Variants in TMC1 observed in about 807,000 individuals in gnomAD.
TMC1 encodes transmembrane channel-like protein 1.
TMC1 carries 84 observed loss-of-function variants against 105.8 expected under a neutral mutation model. That is an observed-to-expected ratio of 0.79 (90% CI 0.67 to 0.95). The LOEUF (loss-of-function observed/expected upper bound fraction) is 0.95. Among genes scored for constraint, TMC1 ranks in the 40% least tolerant of loss-of-function variants. TMC1 has a pLI of 0.00. For synonymous variants in TMC1, 315 were observed against 311.5 expected, an observed-to-expected ratio of 1.01 and a Z score of -0.12; for missense variants, 817 against 914.1, an observed-to-expected ratio of 0.89 and a Z score of 1.37.
chr9:72,682,871 A>T (rs950963938), intron 5 of TMC1, among the ~76,000 whole-genome samples: 1 of 152,040 alleles, frequency 6.6e-6, no homozygotes. Flanking sequence ...CAGCCTCCTC[A>T]TGGAGGCCTC....
chr9:72,831,287 T>G (rs890721983), intron 23 of TMC1, among the ~76,000 whole-genome samples: 1 of 152,188 alleles, frequency 6.6e-6, no homozygotes, highest in African/African-American at 2.4e-5. Flanking sequence ...ACTCCTAACT[T>G]TAAAACTCTT....
At chr9:72,599,822 GA>G (rs2132111468) in intron 2 of TMC1, among the ~76,000 whole-genome samples, 1 of 150,888 alleles carries the variant, frequency 6.6e-6, no homozygotes, top group East Asian at 1.9e-4. Context: ...AAAAAAAAAA[GA>G]AAGAAAAAGA....
chr9:72,590,533 A>G (rs529085527), intron 2 of TMC1, among the ~76,000 whole-genome samples: 1 of 152,170 alleles, frequency 6.6e-6, no homozygotes, highest in African/African-American at 2.4e-5. Context: ...AATACTTAAA[A>G]TTCTTTCGAC....
At chr9:72,754,088 C>T (rs1827631709) in intron 11 of TMC1, among the ~76,000 whole-genome samples, 1 of 152,148 alleles carries the variant, frequency 6.6e-6, no homozygotes, top group Admixed American at 6.5e-5. Context: ...ACAGAAGAAG[C>T]AACATCTGCT....
chr9:72,724,585 A>T (rs1827084644), intron 8 of TMC1, among the ~76,000 whole-genome samples: 1 of 151,826 alleles, frequency 6.6e-6, no homozygotes, highest in Non-Finnish European at 1.5e-5. Flanking sequence ...GTATAAAATG[A>T]TAATAATAAA....
chr9:72,539,399 C>T (rs752714998), intron 1 of TMC1, among the ~76,000 whole-genome samples: 1 of 152,024 alleles, frequency 6.6e-6, no homozygotes, highest in Non-Finnish European at 1.5e-5. Flanking sequence ...GAGCAAGATC[C>T]TGTCTCAAAA....
At chr9:72,693,119 C>CAA (rs5898267) in intron 6 of TMC1, among the ~76,000 whole-genome samples, 4,485 of 132,506 alleles carry the variant, frequency 0.034, 97 homozygotes, top group Non-Finnish European at 0.049. Context: ...AATTGTGTCT[C>CAA]AAAAAAAAAA....
At chr9:72,771,030 C>A (rs1398799260) in intron 12 of TMC1, among the ~76,000 whole-genome samples, 3 of 152,118 alleles carry the variant, frequency 2.0e-5, no homozygotes, top group African/African-American at 7.2e-5. Flanking sequence ...ATATGGACAC[C>A]CCATGGCCCA....
chr9:72,740,958 A>G (rs915516958), intron 9 of TMC1, among the ~76,000 whole-genome samples: 5 of 152,182 alleles, frequency 3.3e-5, no homozygotes, highest in Admixed American at 6.6e-5. Context: ...CTTTGATGCA[A>G]TGTTATGTTC....
chr9:72,704,804 A>G lies in TMC1; in HGVS notation c.362+4161A>G, dbSNP rs1311980139. Among the ~76,000 whole-genome samples, 81 of 152,186 alleles carry G rather than the reference A, an allele frequency of 5.3e-4. 1 individual carries two copies. Among genetic ancestry groups the G allele is most frequent in the African/African-American group, 2.4e-5 (1 of 41,460 alleles). ...TGTGTCTGGCCCAGACCAGAAATGT[A>G]TATTTTTATTTTTTGATCTAAAAAT... On this transcript the variant is annotated intron_variant, in intron 8 of 23. Coordinates refer to ENST00000297784, the MANE Select transcript of TMC1 (RefSeq NM_138691.3).
intron 1 of TMC1, among the ~76,000 whole-genome samples, chr9:72,531,578 T>C (rs975199117): frequency 6.6e-6 from 1 of 152,226 alleles, no homozygotes; most frequent in Non-Finnish European, 1.5e-5. Context: ...GCACCTCTCT[T>C]ATATACTATG....
intron 18 of TMC1, chr9:72,809,028 C>T (rs1423212190): frequency 6.6e-6 from 1 of 152,230 alleles, no homozygotes; most frequent in African/African-American, 2.4e-5. Flanking sequence ...ACAGGATGCT[C>T]TTGTGTTGCT....
chr9:72,699,317 G>T (rs1415076574), intron 7 of TMC1, among the ~76,000 whole-genome samples: 1 of 152,126 alleles, frequency 6.6e-6, no homozygotes, highest in Non-Finnish European at 1.5e-5. Flanking sequence ...CTCTTCAAAG[G>T]ATTCACTTCC....
At chr9:72,683,492 T>C (rs1165400912) in intron 5 of TMC1, among the ~76,000 whole-genome samples, 3 of 151,356 alleles carry the variant, frequency 2.0e-5, no homozygotes, top group African/African-American at 7.3e-5. Flanking sequence ...TGTGTATTCA[T>C]AAGAATGCTG....
intron 6 of TMC1, among the ~76,000 whole-genome samples, chr9:72,693,834 A>T (rs1387640441): frequency 6.6e-6 from 1 of 152,134 alleles, no homozygotes; most frequent in Non-Finnish European, 1.5e-5. Flanking sequence ...TGAACACATG[A>T]GGCATTCATT....
At position 72,656,113 on chromosome 9, in the gene TMC1, C is replaced by T. The variant is rs1353722115; in HGVS notation, c.16+7449C>T. On this transcript the variant is annotated intron_variant, in intron 5 of 23. Transcript: ENST00000297784. ...CACCTTCGCCAGGGATTTTACATTG[C>T]AGCTTGTTAGAGTGATTCGAATTCG... 6 of 668,926 alleles carry T rather than the reference C, an allele frequency of 9.0e-6. No homozygotes were observed. In the Admixed American group the frequency reaches 1.1e-4, roughly 12 times the overall value. The allele number at this position is 668,926 out of a possible 1,614,324, so 41.4% of individuals were successfully genotyped here.
rs190398371 is a variant in TMC1, at chr9:72,528,585, C to T, written c.-428+6672C>T. The stretch of plus-strand genomic sequence containing the variant: ...CTGACCTCAGGTGATCCACCCGCCT[C>T]GGCCTCCCAAAGTGCTAGGGTTACA... On this transcript the variant is annotated intron_variant, in intron 1 of 23. Coordinates refer to ENST00000297784, the MANE Select transcript of TMC1 (RefSeq NM_138691.3). Among the ~76,000 whole-genome samples the T allele has an allele frequency of 9.9e-5, 15 of 152,240 alleles. No homozygotes were observed. In the South Asian group the frequency reaches 2.1e-3, roughly 21 times the overall value.
chr9:72,621,734 G>T (rs1825253314), intron 3 of TMC1, among the ~76,000 whole-genome samples: 1 of 152,068 alleles, frequency 6.6e-6, no homozygotes, highest in African/African-American at 2.4e-5. Context: ...GAATCATGCA[G>T]ATTGTGCTTA....
rs2501915 is a variant in TMC1, at chr9:72,781,334, T to A, written c.885-7005T>A. ...AGTTAAAGCAGTTTAAAAGGGAAGTTATAGCACTAAACACCCACATCAAAA... is the reference window on the plus strand; with the variant it reads ...AGTTAAAGCAGTTTAAAAGGGAAGTAATAGCACTAAACACCCACATCAAAA... On this transcript the variant is annotated intron_variant, in intron 13 of 23. Coordinates refer to ENST00000297784, the MANE Select transcript of TMC1 (RefSeq NM_138691.3). 4.0e-3 allele frequency among the ~76,000 whole-genome samples: 604 copies of A among 152,260 alleles called. 5 individuals carry two copies. The highest frequency in any genetic ancestry group is 0.014 in the African/African-American group (562 of 41,552).
Sources: gnomAD v4.1 joint callset for allele counts (sites outside exome capture counted in the v4.1 genomes callset) on GRCh38, gnomAD v4.1.1 for gene constraint, MANE v1.5 for transcripts, NCBI Gene and HGNC (gene_info 2026-07-23, HGNC 2026-07-21) for gene names.